PIWIL1: variants seen among roughly 807,000 people sequenced by gnomAD.
The protein encoded by PIWIL1 is piwi-like protein 1.
Under a neutral mutation model 114.4 loss-of-function variants are expected in PIWIL1, and 73 were observed. That is an observed-to-expected ratio of 0.64 (90% confidence interval 0.53 to 0.78). The LOEUF is 0.78. Ranked by LOEUF, PIWIL1 falls within the 30% of genes least tolerant of loss-of-function variation. The pLI, the probability that PIWIL1 is intolerant of heterozygous loss-of-function variation, is 0.00. For missense variants in PIWIL1, 723 were observed against 1,063.1 expected (o/e 0.68, Z 4.45); for synonymous variants, 375 against 369.0 (o/e 1.02, Z -0.19).
At chr12:130,392,436 C>CGT in the PIWIL1 span, among the ~76,000 whole-genome samples, 82 of 3,514 alleles carry the variant, frequency 0.023, 5 homozygotes, top group Non-Finnish European at 0.045. Flanking sequence ...ACCGTCATCA[C>CGT]GTGTCTGTCA....
In PIWIL1 at chr12:130,371,179, T is replaced by A; in HGVS notation, c.2325T>A (p.Tyr775Ter). The change falls in exon 20 of 21, where the codon TAT becomes TAA. Residue 775 changes from tyrosine to a stop codon, truncating the protein, a stop_gained. Coordinates refer to ENST00000245255, the MANE Select transcript of PIWIL1 (RefSeq NM_004764.5). LOFTEE classifies it high-confidence loss of function. ...IDVEVTRPEW[Y>*]DFFIVSQAVR... ...CGTGTGTTTTCTGTAATTCCAGGTATGACTTTTTTATCGTGAGCCAGGCTG... is the reference window on the plus strand; with the variant it reads ...CGTGTGTTTTCTGTAATTCCAGGTAAGACTTTTTTATCGTGAGCCAGGCTG... 1 of 1,614,054 alleles carries A rather than the reference T, an allele frequency of 6.2e-7. No homozygotes were observed. The highest frequency in any genetic ancestry group is 8.5e-7 in the Non-Finnish European group (1 of 1,179,952).
At chr12:130,412,943 G>C in the PIWIL1 span, among the ~76,000 whole-genome samples, 1 of 152,178 alleles carries the variant, frequency 6.6e-6, no homozygotes, top group Non-Finnish European at 1.5e-5. Context: ...CGTGTGTGCT[G>C]TGGATGTGTA....
At chr12:130,381,823 C>T in the PIWIL1 span, among the ~76,000 whole-genome samples, 1 of 152,278 alleles carries the variant, frequency 6.6e-6, no homozygotes, top group East Asian at 1.9e-4. Context: ...TTGCTATTGT[C>T]ATTGTGGGTT....
chr12:130,342,516 T>TGTAGA, intron 1 of PIWIL1, 64 bp from the exon 2 acceptor site: 1 of 937,622 alleles, frequency 1.1e-6, no homozygotes, highest in Admixed American at 1.9e-5. Flanking sequence ...AAAGTAACAT[T>TGTAGA]GTAGAAATTA....
intron 1 of PIWIL1, among the ~76,000 whole-genome samples, chr12:130,340,295 T>C (rs2072871060): frequency 6.6e-6 from 1 of 152,018 alleles, no homozygotes; most frequent in Non-Finnish European, 1.5e-5. Flanking sequence ...GCGGATGCTT[T>C]CAGATTGATT....
In PIWIL1 at chr12:130,338,146, G is replaced by A. The variant is rs1431367707; in HGVS notation, c.-13G>A. 6 of 310,080 alleles carry A rather than the reference G, an allele frequency of 1.9e-5. No homozygotes were observed. The Admixed American group carries it at 2.9e-4, about 15-fold the overall frequency. 19.2% of individuals were successfully genotyped at this position (310,080 alleles called of 1,614,324 possible). ...GACTAGGGCGAGGGCAGCGGTCCAAGGTGCGGGGCCAGGCTGAGGTGCTAG... is the reference window on the plus strand; with the variant it reads ...GACTAGGGCGAGGGCAGCGGTCCAAAGTGCGGGGCCAGGCTGAGGTGCTAG... On this transcript the variant is annotated splice_region_variant and 5_prime_UTR_variant, in exon 1 of 21. Transcript: ENST00000245255.
chr12:130,370,429 T>C (rs2073787919), intron 19 of PIWIL1, among the ~76,000 whole-genome samples: 1 of 152,176 alleles, frequency 6.6e-6, no homozygotes, highest in Non-Finnish European at 1.5e-5. Flanking sequence ...AAAACAACTA[T>C]TTACATAGCA....
chr12:130,350,103 A>G, intron 9 of PIWIL1, 136 bp downstream of exon 9: 1 of 554,594 alleles, frequency 1.8e-6, no homozygotes, highest in Non-Finnish European at 3.2e-6. Flanking sequence ...TCACAGCATA[A>G]TTTTATTCAT....
At chr12:130,341,463 T>C (rs2072916667) in intron 1 of PIWIL1, among the ~76,000 whole-genome samples, 1 of 152,248 alleles carries the variant, frequency 6.6e-6, no homozygotes, top group African/African-American at 2.4e-5. Context: ...ATGAAAAAGA[T>C]AACACTACTA....
At chr12:130,354,025 T>C (rs1302948189) in intron 9 of PIWIL1, among the ~76,000 whole-genome samples, 1 of 152,222 alleles carries the variant, frequency 6.6e-6, no homozygotes, top group African/African-American at 2.4e-5. Context: ...CACTTCTCAA[T>C]TGAAATTTGA....
At chr12:130,424,110 G>A in the PIWIL1 span, 3 of 1,147,760 alleles carry the variant, frequency 2.6e-6, no homozygotes, top group Non-Finnish European at 3.3e-6. This position sits in a 1 kb window ranked among gnomAD's most constrained non-coding sequence, Gnocchi z 9.8. Flanking sequence ...GGTTTGGCAA[G>A]CGGCTGTGAA....
In PIWIL1 at chr12:130,356,013, A is replaced by C. The variant is rs187030735; in HGVS notation, c.1404+346A>C. ...GGAGCCTGTAGCTGGGTCCTCAAAAATCATCTGTAAGACTTAGCTAAAAAG... is the reference window on the plus strand; with the variant it reads ...GGAGCCTGTAGCTGGGTCCTCAAAACTCATCTGTAAGACTTAGCTAAAAAG... On this transcript the variant is annotated intron_variant, in intron 12 of 20. Transcript: ENST00000245255. Among the ~76,000 whole-genome samples, 147 of 152,114 alleles carry C rather than the reference A, an allele frequency of 9.7e-4. 1 individual carries two copies. The highest frequency in any genetic ancestry group is 3.3e-3 in the African/African-American group (136 of 41,502).
chr12:130,340,355 G>A (rs1205833418), intron 1 of PIWIL1, among the ~76,000 whole-genome samples: 1 of 152,086 alleles, frequency 6.6e-6, no homozygotes, highest in Non-Finnish European at 1.5e-5. Flanking sequence ...CGATTTCCTG[G>A]AAGACAATTT....
downstream of PIWIL1, among the ~76,000 whole-genome samples, chr12:130,376,830 C>G (rs182802876): frequency 1.2e-4 from 19 of 152,334 alleles, no homozygotes; most frequent in Non-Finnish European, 2.4e-4. Flanking sequence ...TACAGTCCCA[C>G]TATGGATCCC....
intron 19 of PIWIL1, among the ~76,000 whole-genome samples, chr12:130,367,681 GCCGAGCTGCACTCA>G (rs2136193278): frequency 6.6e-6 from 1 of 152,324 alleles, no homozygotes; most frequent in Non-Finnish European, 1.5e-5. Flanking sequence ...TGGCTTCTGA[GCCGAGCTGCACTCA>G]CCGACCGCAA....
chr12:130,338,773 C>T (rs531783028), intron 1 of PIWIL1, among the ~76,000 whole-genome samples: 19 of 95,674 alleles, frequency 2.0e-4, no homozygotes, highest in African/African-American at 7.4e-4. Flanking sequence ...GGCCGGGGTG[C>T]GGGGGCGATG....
Position 130,338,116 on chromosome 12 carries a change from A to G in PIWIL1, c.-43A>G. 2 of 265,412 alleles carry G rather than the reference A, an allele frequency of 7.5e-6. No individual in the cohort carries two copies. The highest frequency in any genetic ancestry group is 1.5e-5 in the Non-Finnish European group (2 of 137,170). The allele number at this position is 265,412 out of a possible 1,614,324, so 16.4% of individuals were successfully genotyped here. A position where few individuals can be genotyped will look rare whatever the true frequency, so the allele number is the denominator to read the frequency against. On this transcript the variant is annotated 5_prime_UTR_variant, in exon 1 of 21. Coordinates refer to ENST00000245255, the MANE Select transcript of PIWIL1 (RefSeq NM_004764.5). The stretch of plus-strand genomic sequence containing the variant: ...GTTGGCCTCGGGCTGAGGTGCAAGG[A>G]CCAGGACTAGGGCGAGGGCAGCGGT...
chr12:130,373,798 G>A (rs1274902416), downstream of PIWIL1, among the ~76,000 whole-genome samples: 1 of 152,184 alleles, frequency 6.6e-6, no homozygotes, highest in South Asian at 2.1e-4. Context: ...TGTTGCATGC[G>A]GCGACAGAGA....
chr12:130,382,547 G>A, the PIWIL1 span, among the ~76,000 whole-genome samples: 313 of 152,340 alleles, frequency 2.1e-3, 2 homozygotes, highest in Non-Finnish European at 1.6e-3. Context: ...TGGATTTGTC[G>A]TCACTTTAAC....
Sources: gnomAD v4.1 joint callset for allele counts (sites outside exome capture counted in the v4.1 genomes callset) on GRCh38, gnomAD v4.1.1 for gene constraint, Gnocchi (gnomAD v3.1) non-coding constraint, MANE v1.5 for transcripts, NCBI Gene and HGNC (gene_info 2026-07-23, HGNC 2026-07-21) for gene names.